CALN1: variants seen among roughly 807,000 people sequenced by gnomAD.
CALN1 encodes the protein calneuron 1.
A neutral mutation model predicts 30.6 loss-of-function variants in CALN1; 17 were observed. The ratio of observed to expected loss-of-function variants is 0.56; its 90% CI spans 0.38 to 0.83. The LOEUF (loss-of-function observed/expected upper bound fraction) is 0.83, where lower values mean the gene tolerates loss of function less well. Ranked by LOEUF, CALN1 falls within the 40% of genes least tolerant of loss-of-function variation. The pLI, the probability that CALN1 is intolerant of heterozygous loss-of-function variation, is 0.00. For synonymous variants in CALN1, 156 were observed against 131.4 expected (o/e 1.19, Z -1.28); for missense variants, 291 against 354.9 (o/e 0.82, Z 1.45).
intron 4 of CALN1, among the ~76,000 whole-genome samples, chr7:72,036,154 T>C (rs1296736172): frequency 6.6e-6 from 1 of 152,236 alleles, no homozygotes; most frequent in Admixed American, 6.5e-5. Context: ...CTTTTATCAT[T>C]TTGAACATAT....
chr7:72,217,799 G>A (rs968900116), intron 3 of CALN1, among the ~76,000 whole-genome samples: 4 of 149,098 alleles, frequency 2.7e-5, no homozygotes, highest in Non-Finnish European at 4.4e-5. Context: ...GCAATATAGC[G>A]AGATCCCCCA....
chr7:72,339,713 GT>G (rs1802293885), intron 2 of CALN1, among the ~76,000 whole-genome samples: 1 of 152,216 alleles, frequency 6.6e-6, no homozygotes, highest in Non-Finnish European at 1.5e-5. Context: ...ATGGCAGAAG[GT>G]AAAGGAGAAG....
intron 3 of CALN1, among the ~76,000 whole-genome samples, chr7:72,246,559 T>A (rs1795170753): frequency 6.6e-6 from 1 of 152,028 alleles, no homozygotes; most frequent in Non-Finnish European, 1.5e-5. Context: ...ATTACCAGAT[T>A]CTCTTTCGAG....
chr7:72,317,280 G>A (rs1449035756), intron 2 of CALN1, among the ~76,000 whole-genome samples: 1 of 150,674 alleles, frequency 6.6e-6, no homozygotes, highest in Admixed American at 6.6e-5. Context: ...AGGGAGGAAG[G>A]GAAGGGAAGG....
At chr7:71,887,450 C>T (rs955906735) in intron 5 of CALN1, among the ~76,000 whole-genome samples, 2 of 152,112 alleles carry the variant, frequency 1.3e-5, no homozygotes, top group African/African-American at 4.8e-5. Flanking sequence ...CATGCGTCAC[C>T]ACGCCTGGCT....
chr7:71,976,276 C>A lies in CALN1; in HGVS notation c.501+47381G>T, dbSNP rs2129526787. ...TGATGAATCACGTAACATCCCCAAG[C>A]AGGGTGGACTGAGAACCAGAGAGAA... On this transcript the variant is annotated intron_variant, in intron 5 of 6. Transcript: ENST00000395275. Among the ~76,000 whole-genome samples, 2 of 152,224 alleles carry A rather than the reference C, an allele frequency of 1.3e-5. 1 individual carries two copies. The highest frequency in any genetic ancestry group is 4.1e-4 in the South Asian group (2 of 4,820).
At chr7:71,884,783 T>A (rs1232702205) in intron 5 of CALN1, among the ~76,000 whole-genome samples, 2 of 152,212 alleles carry the variant, frequency 1.3e-5, no homozygotes, top group African/African-American at 2.4e-5. Context: ...CCTGTTTCTT[T>A]GCCATATTTT....
At chr7:72,150,795 G>A (rs1294429362) in intron 3 of CALN1, among the ~76,000 whole-genome samples, 1 of 152,088 alleles carries the variant, frequency 6.6e-6, no homozygotes, top group African/African-American at 2.4e-5. Context: ...GTAAGTTTAA[G>A]GACTCAGTAA....
rs71517077 is a variant in CALN1, at chr7:72,177,752, GAAAA to G, written c.245-71462_245-71459del. Among the ~76,000 whole-genome samples the G allele has an allele frequency of 9.6e-4, 127 of 132,146 alleles. 1 individual carries two copies. The highest frequency in any genetic ancestry group is 3.3e-3 in the African/African-American group (120 of 36,630). The allele number at this position is 132,146 out of a possible 152,430, so 86.7% of individuals were successfully genotyped here. A position where few individuals can be genotyped will look rare whatever the true frequency, so the allele number is the denominator to read the frequency against. On this transcript the variant is annotated intron_variant, in intron 3 of 6. Transcript: ENST00000395275. ...TTCACTCCAGCCTGGGCGACAGAGG[GAAAA>G]AAAAAAAAAAAAAAGGACATTTGGT... is the stretch of plus-strand genomic sequence containing the variant.
At chr7:72,297,845 C>T (rs140037059) in intron 2 of CALN1, among the ~76,000 whole-genome samples, 48 of 152,328 alleles carry the variant, frequency 3.2e-4, no homozygotes, top group African/African-American at 1.1e-3. Context: ...CTAACGTCAA[C>T]AGATGATTTT....
At chr7:72,331,018 T>C (rs765895039) in intron 2 of CALN1, among the ~76,000 whole-genome samples, 2 of 152,178 alleles carry the variant, frequency 1.3e-5, no homozygotes, top group Non-Finnish European at 2.9e-5. Context: ...TCACTGTCAC[T>C]GTCTTTTAGC....
At chr7:71,840,181 G>A (rs1789850369) in intron 5 of CALN1, among the ~76,000 whole-genome samples, 2 of 151,646 alleles carry the variant, frequency 1.3e-5, no homozygotes, top group Admixed American at 1.3e-4. Flanking sequence ...GAAGCAAACA[G>A]GCAAGGGGCA....
intron 6 of CALN1, 27 bp downstream of exon 6, chr7:71,810,309 G>C (rs1448213691): frequency 3.1e-6 from 5 of 1,610,550 alleles, no homozygotes; most frequent in Non-Finnish European, 4.2e-6. Flanking sequence ...CCCGGACCGG[G>C]GAGGGGATGG....
At position 71,793,732 on chromosome 7, in the gene CALN1, T is replaced by C. The variant is rs531550148; in HGVS notation, c.659-5830A>G. Among the ~76,000 whole-genome samples, 196 of 152,130 alleles carry C rather than the reference T, an allele frequency of 1.3e-3. 1 individual carries two copies. The highest frequency in any genetic ancestry group is 4.5e-3 in the African/African-American group (186 of 41,518). Reference sequence around the variant, plus strand: ...ACTAAAAATACACAGAAAAATTAACTGAGCACGGTGTTGTGTGCCTGTAAT... The same window carrying C: ...ACTAAAAATACACAGAAAAATTAACCGAGCACGGTGTTGTGTGCCTGTAAT... On this transcript the variant is annotated intron_variant, in intron 6 of 6. Transcript: ENST00000395275.
At chr7:71,797,253 A>G (rs1223508574) in intron 6 of CALN1, among the ~76,000 whole-genome samples, 1 of 152,158 alleles carries the variant, frequency 6.6e-6, no homozygotes, top group Non-Finnish European at 1.5e-5. Context: ...TCTGGCAGGG[A>G]GCTGGGGGTG....
chr7:71,999,819 AT>A (rs569629075), intron 5 of CALN1, among the ~76,000 whole-genome samples: 35 of 152,078 alleles, frequency 2.3e-4, no homozygotes, highest in South Asian at 2.1e-3. Flanking sequence ...AGCCATATGC[AT>A]TTTTTTTAAA....
intron 3 of CALN1, among the ~76,000 whole-genome samples, chr7:72,144,042 C>T (rs1460043322): frequency 6.6e-6 from 1 of 151,906 alleles, no homozygotes; most frequent in African/African-American, 2.4e-5. Flanking sequence ...TAAAGACCAT[C>T]GAGGCTAGGA....
chr7:72,087,629 T>G (rs1345801886), intron 4 of CALN1, among the ~76,000 whole-genome samples: 2 of 151,762 alleles, frequency 1.3e-5, no homozygotes. Flanking sequence ...TGAAATCCAG[T>G]GATCAGTAGA....
At chr7:72,446,266 A>C (rs2129564603) in intron 1 of CALN1, among the ~76,000 whole-genome samples, 1 of 152,312 alleles carries the variant, frequency 6.6e-6, no homozygotes, top group Non-Finnish European at 1.5e-5. Context: ...ATTTGCAGAT[A>C]GATGTTCTCT....
Sources: gnomAD v4.1 joint callset for allele counts (sites outside exome capture counted in the v4.1 genomes callset) on GRCh38, gnomAD v4.1.1 for gene constraint, MANE v1.5 for transcripts, NCBI Gene and HGNC (gene_info 2026-07-23, HGNC 2026-07-21) for gene names.